PIWIL4: variants seen among roughly 807,000 people sequenced by gnomAD.
PIWIL4 encodes the protein piwi-like protein 4.
In PIWIL4, 50 loss-of-function variants were observed where a neutral mutation model predicts 100.9. The observed-to-expected ratio is 0.50, with a 90% CI of 0.39 to 0.63. The LOEUF is 0.63. Ranked by LOEUF, PIWIL4 falls within the 20% of genes least tolerant of loss-of-function variation. The probability of loss-of-function intolerance (pLI) is 0.00; values close to 1 mark genes in which losing one functional copy is unlikely to be tolerated. For missense variants in PIWIL4, 887 were observed against 1,043.3 expected (o/e 0.85, Z 2.06); for synonymous variants, 342 against 367.5 (o/e 0.93, Z 0.79).
chr11:94,588,555 G>A (rs769112391), intron 7 of PIWIL4, among the ~76,000 whole-genome samples: 7 of 152,192 alleles, frequency 4.6e-5, no homozygotes, highest in Non-Finnish European at 7.3e-5. Flanking sequence ...TCTGCCCCTA[G>A]GCTAGGTCAT....
chr11:94,585,264 A>G (rs1016022241), intron 5 of PIWIL4, among the ~76,000 whole-genome samples, 181 bp from the exon 6 acceptor site: 1 of 152,240 alleles, frequency 6.6e-6, no homozygotes, highest in African/African-American at 2.4e-5. Context: ...AAATATGAAG[A>G]AGTGATAGTT....
intron 8 of PIWIL4, among the ~76,000 whole-genome samples, chr11:94,592,783 A>G (rs1948504367): frequency 6.6e-6 from 1 of 152,228 alleles, no homozygotes; most frequent in African/African-American, 2.4e-5. Context: ...TGCCAAGGTG[A>G]GACTGCTGAA....
chr11:94,573,074 A>T (rs1370768823), intron 2 of PIWIL4, among the ~76,000 whole-genome samples: 4 of 152,082 alleles, frequency 2.6e-5, no homozygotes, highest in African/African-American at 9.7e-5. Flanking sequence ...TTCACTCATG[A>T]TTTGGCTCTC....
intron 11 of PIWIL4, among the ~76,000 whole-genome samples, chr11:94,599,284 T>A (rs1948603286): frequency 6.6e-6 from 1 of 151,286 alleles, no homozygotes. Context: ...TTTGTTTGCA[T>A]TTTTTTGGTG....
At chr11:94,585,321 C>A in intron 5 of PIWIL4, 124 bp from the exon 6 acceptor site, 1 of 617,038 alleles carries the variant, frequency 1.6e-6, no homozygotes, top group South Asian at 2.5e-5. Context: ...CCTTGCAGTC[C>A]TGTGAGAATG....
chr11:94,606,489 G>C (rs1211181550), intron 13 of PIWIL4, among the ~76,000 whole-genome samples: 1 of 152,176 alleles, frequency 6.6e-6, no homozygotes, highest in Non-Finnish European at 1.5e-5. Flanking sequence ...AATAAAAGAT[G>C]AGAAGGAGGC....
intron 4 of PIWIL4, among the ~76,000 whole-genome samples, chr11:94,581,103 T>G (rs1948309465): frequency 6.6e-6 from 1 of 151,980 alleles, no homozygotes; most frequent in Non-Finnish European, 1.5e-5. Context: ...TTTCACCACA[T>G]TGGGCAGGCT....
chr11:94,568,694 T>A (rs1280347370), intron 1 of PIWIL4, 36 bp from the exon 2 acceptor site: 3 of 1,496,742 alleles, frequency 2.0e-6, no homozygotes, highest in Admixed American at 1.7e-5. Flanking sequence ...GACTTACCAT[T>A]GTAAATCTGA....
intron 8 of PIWIL4, among the ~76,000 whole-genome samples, chr11:94,590,891 G>T (rs1948476656): frequency 6.6e-6 from 1 of 152,114 alleles, no homozygotes; most frequent in Admixed American, 6.5e-5. Flanking sequence ...AGATCTTTCT[G>T]AAGTGCTGCC....
At chr11:94,614,888 GGGT>G (rs1326645813) in intron 15 of PIWIL4, among the ~76,000 whole-genome samples, 2 of 152,158 alleles carry the variant, frequency 1.3e-5, no homozygotes, top group Non-Finnish European at 2.9e-5. Context: ...GTTTTCCCTA[GGGT>G]GGTGCCCTGA....
Position 94,595,369 on chromosome 11 carries a change from G to A in PIWIL4, c.1211G>A (p.Arg404His), listed in dbSNP as rs760210104. The A allele has an allele frequency of 1.5e-5, 24 of 1,614,014 alleles. No homozygotes were observed. Among genetic ancestry groups the A allele is most frequent in the Middle Eastern group, 1.6e-4 (1 of 6,062 alleles). ...QLMKAVAEKTRLSPSGRQQRL... is the reference protein window; with the variant it reads ...QLMKAVAEKTHLSPSGRQQRL... ...ATGAAGGCTGTGGCTGAAAAGACAC[G>A]TCTCAGTCCTTCAGGCCGGCAGCAG... is the stretch of plus-strand genomic sequence containing the variant. Residue 404 changes from arginine (R) to histidine (H), a missense_variant, in exon 10 of 20, where the codon CGT (arginine) becomes CAT (histidine). Arg to His is a conservative substitution (Grantham distance 29, BLOSUM62 0). This residue lies in a region of PIWIL4 where 741 missense variants were observed against 930.0 expected (regional missense o/e 0.80). Transcript: ENST00000299001.
At chr11:94,618,920 A>G (rs958969429) in intron 17 of PIWIL4, among the ~76,000 whole-genome samples, 1 of 152,150 alleles carries the variant, frequency 6.6e-6, no homozygotes, top group African/African-American at 2.4e-5. Context: ...TATCATCTGC[A>G]GCTTTATCCC....
chr11:94,571,647 G>A (rs1390717782), intron 2 of PIWIL4, among the ~76,000 whole-genome samples: 1 of 152,148 alleles, frequency 6.6e-6, no homozygotes, highest in Non-Finnish European at 1.5e-5. Flanking sequence ...AGTATTCTAT[G>A]GTGTATATGT....
Position 94,575,053 on chromosome 11 carries a change from T to C in PIWIL4, c.221T>C (p.Val74Ala). The C allele has an allele frequency of 6.2e-7, 1 of 1,613,618 alleles. No homozygotes were observed. The highest frequency in any genetic ancestry group is 1.1e-5 in the South Asian group (1 of 91,058). Reference protein sequence around the residue: ...DAGSTFMERGVKNKQDFMDLS... With the variant: ...DAGSTFMERGAKNKQDFMDLS... ...GGAAGTACCTTCATGGAAAGAGGTGTGAAAAACAAACAGGACTTTATGGAT... is the reference window on the plus strand; with the variant it reads ...GGAAGTACCTTCATGGAAAGAGGTGCGAAAAACAAACAGGACTTTATGGAT... The change falls in exon 3 of 20, where the codon GTG (valine) becomes GCG (alanine). Residue 74 changes from valine to alanine, a missense_variant. Transcript: ENST00000299001.
intron 12 of PIWIL4, 81 bp downstream of exon 12, chr11:94,602,060 A>C: frequency 7.5e-7 from 1 of 1,332,096 alleles, no homozygotes. Context: ...TATCAACAAA[A>C]GCTTCTTTAT....
At chr11:94,572,203 G>A (rs553655191) in intron 2 of PIWIL4, among the ~76,000 whole-genome samples, 55 of 152,168 alleles carry the variant, frequency 3.6e-4, no homozygotes, top group Admixed American at 3.2e-3. Flanking sequence ...TTGTCAGATG[G>A]GTAGATTGCA....
At chr11:94,585,654 T>A in intron 6 of PIWIL4, 129 bp downstream of exon 6, 1 of 661,530 alleles carries the variant, frequency 1.5e-6, no homozygotes, top group Admixed American at 3.7e-5. Context: ...GAATTTTTTA[T>A]AATTTTCAAG....
intron 15 of PIWIL4, among the ~76,000 whole-genome samples, chr11:94,609,738 A>G (rs1011091835): frequency 2.6e-5 from 4 of 152,038 alleles, no homozygotes; most frequent in African/African-American, 9.7e-5. Context: ...TATAATTTTT[A>G]TCAGTTTTGA....
chr11:94,591,433 C>A (rs772120248), intron 8 of PIWIL4, among the ~76,000 whole-genome samples: 24 of 152,250 alleles, frequency 1.6e-4, no homozygotes, highest in Non-Finnish European at 2.4e-4. Context: ...GTGCATTCAT[C>A]ACATTGTTTC....
Sources: allele counts gnomAD v4.1 joint callset (sites outside exome capture counted in the v4.1 genomes callset), GRCh38; gene constraint gnomAD v4.1.1; regional missense constraint gnomAD v4.1.1; transcripts MANE v1.5; gene names NCBI Gene and HGNC (gene_info 2026-07-23, HGNC 2026-07-21).